Variants in MGAT4C observed in about 807,000 individuals in gnomAD.
MGAT4C encodes alpha-1,3-mannosyl-glycoprotein 4-beta-N-acetylglucosaminyltransferase C.
MGAT4C carries 19 observed loss-of-function variants against 40.1 expected under a neutral mutation model. The observed-to-expected ratio is 0.47, with a 90% CI of 0.33 to 0.70. MGAT4C has a LOEUF of 0.70. Ranked by LOEUF, MGAT4C falls within the 30% of genes least tolerant of loss-of-function variation. The probability of loss-of-function intolerance (pLI) is 0.02; values close to 1 mark genes in which losing one functional copy is unlikely to be tolerated. For missense variants in MGAT4C, 491 were observed against 563.2 expected, an observed-to-expected ratio of 0.87 and a Z score of 1.30; for synonymous variants, 181 against 187.1, an observed-to-expected ratio of 0.97 and a Z score of 0.27.
At chr12:86,676,342 C>T (rs754499521) in intron 2 of MGAT4C, among the ~76,000 whole-genome samples, 1 of 152,148 alleles carries the variant, frequency 6.6e-6, no homozygotes, top group Non-Finnish European at 1.5e-5. Context: ...AAATAATTAG[C>T]TTTGAGCGAA....
chr12:86,145,824 C>T (rs1883435308), intron 1 of MGAT4C, among the ~76,000 whole-genome samples: 1 of 152,066 alleles, frequency 6.6e-6, no homozygotes, highest in African/African-American at 2.4e-5. Flanking sequence ...AATAGAGTTT[C>T]TCCAAGTATC....
In MGAT4C at chr12:86,393,825, T is replaced by C. The variant is rs184074004; in HGVS notation, c.-120+41332A>G. ...GGAATTATGAGACAGTCCTGCACTA[T>C]AGAAATCGGCATCATCCAAAATGTC... On this transcript the variant is annotated intron_variant, in intron 3 of 7. Coordinates refer to the MGAT4C transcript ENST00000548651. Among the ~76,000 whole-genome samples, 140 of 152,286 alleles carry C rather than the reference T, an allele frequency of 9.2e-4. 1 individual carries two copies. The highest frequency in any genetic ancestry group is 3.0e-3 in the African/African-American group (126 of 41,560).
intron 1 of MGAT4C, among the ~76,000 whole-genome samples, chr12:86,192,677 T>C (rs1031369048): frequency 2.6e-5 from 4 of 152,198 alleles, no homozygotes; most frequent in Admixed American, 2.6e-4. Flanking sequence ...ATGTGTTTAT[T>C]GCTTAATATT....
At chr12:86,694,193 C>G (rs952336151) in intron 2 of MGAT4C, among the ~76,000 whole-genome samples, 1 of 152,074 alleles carries the variant, frequency 6.6e-6, no homozygotes, top group South Asian at 2.1e-4. Context: ...TATTTCAGAT[C>G]TTCTTTTCTC....
intron 4 of MGAT4C, among the ~76,000 whole-genome samples, chr12:86,299,376 C>T (rs2136137705): frequency 6.6e-6 from 1 of 152,310 alleles, no homozygotes; most frequent in South Asian, 2.1e-4. Flanking sequence ...CTCGGCCTCC[C>T]AGAGTGCTGG....
chr12:86,367,189 C>G (rs1414926813), intron 3 of MGAT4C, among the ~76,000 whole-genome samples: 1 of 151,732 alleles, frequency 6.6e-6, no homozygotes, highest in Non-Finnish European at 1.5e-5. Context: ...TAACTACAAG[C>G]AGAAAGGGCA....
chr12:86,332,169 CA>C (rs1954684040), intron 4 of MGAT4C, among the ~76,000 whole-genome samples: 1 of 151,922 alleles, frequency 6.6e-6, no homozygotes, highest in African/African-American at 2.4e-5. Context: ...GAAAAAAAAT[CA>C]GTTTATGTTG....
intron 1 of MGAT4C, among the ~76,000 whole-genome samples, chr12:86,136,315 T>TATACAAG (rs1210218961): frequency 6.6e-6 from 1 of 152,096 alleles, no homozygotes; most frequent in African/African-American, 2.4e-5. Context: ...CTACTGGAAA[T>TATACAAG]ATACAAGATA....
intron 1 of MGAT4C, among the ~76,000 whole-genome samples, chr12:86,135,571 T>C (rs963810580): frequency 6.6e-6 from 1 of 152,122 alleles, no homozygotes; most frequent in Non-Finnish European, 1.5e-5. Flanking sequence ...GCTGGGAAGA[T>C]AAAAGGATAG....
chr12:86,399,183 G>T (rs539334017), intron 3 of MGAT4C, among the ~76,000 whole-genome samples: 1 of 151,944 alleles, frequency 6.6e-6, no homozygotes, highest in East Asian at 2.0e-4. Context: ...TGTTGGCCAG[G>T]ATAGTCTCGA....
intron 2 of MGAT4C, among the ~76,000 whole-genome samples, chr12:86,638,324 G>C (rs1322831316): frequency 6.6e-6 from 1 of 151,728 alleles, no homozygotes; most frequent in Non-Finnish European, 1.5e-5. Flanking sequence ...CATTACCCTG[G>C]ACAGCTGACC....
rs1883816657 is a variant in MGAT4C, at chr12:85,974,515, A to G, written c.*4774T>C. The G allele has an allele frequency of 2.0e-5, 3 of 150,780 alleles. No homozygotes were observed. The South Asian group carries it at 6.2e-4, about 31-fold the overall frequency. The allele number at this position is 150,780 out of a possible 1,614,324, so 9.3% of individuals were successfully genotyped here. ...ACATAATATTCAAGTATGTATACAT[A>G]TATACACATATGTACATACACATAT... is the stretch of plus-strand genomic sequence containing the variant. On this transcript the variant is annotated 3_prime_UTR_variant, in exon 5 of 5. Coordinates refer to ENST00000611864, the MANE Select transcript of MGAT4C (RefSeq NM_001351288.2).
intron 3 of MGAT4C, among the ~76,000 whole-genome samples, chr12:86,397,935 C>T (rs1956289959): frequency 6.6e-6 from 1 of 152,090 alleles, no homozygotes; most frequent in African/African-American, 2.4e-5. Context: ...TGCACTGCAG[C>T]CTGAGTGACA....
chr12:86,830,568 T>C (rs545962165), intron 1 of MGAT4C, among the ~76,000 whole-genome samples: 81 of 151,864 alleles, frequency 5.3e-4, no homozygotes, highest in Non-Finnish European at 1.0e-3. Context: ...TGTATCTATC[T>C]CCCAAGCAAC....
At chr12:86,547,241 G>T (rs1959198894) in intron 2 of MGAT4C, among the ~76,000 whole-genome samples, 1 of 151,942 alleles carries the variant, frequency 6.6e-6, no homozygotes, top group Admixed American at 6.6e-5. Flanking sequence ...TTGCCAAAGT[G>T]AAGCTTGTTT....
intron 2 of MGAT4C, among the ~76,000 whole-genome samples, chr12:86,022,126 A>C (rs180896000): frequency 1.9e-3 from 295 of 152,330 alleles, no homozygotes; most frequent in African/African-American, 6.8e-3. Flanking sequence ...TATTGAGTTT[A>C]TACTAGGTAC....
intron 1 of MGAT4C, among the ~76,000 whole-genome samples, chr12:86,100,143 G>T (rs963249126): frequency 1.3e-5 from 2 of 151,282 alleles, no homozygotes; most frequent in Non-Finnish European, 3.0e-5. Flanking sequence ...AATAGTGTAT[G>T]CCAGAAATTT....
chr12:86,646,119 G>GA (rs928757159), intron 2 of MGAT4C, among the ~76,000 whole-genome samples: 6 of 151,658 alleles, frequency 4.0e-5, no homozygotes, highest in East Asian at 1.9e-4. Context: ...TGGAATAATA[G>GA]AAAAAATCCA....
At chr12:86,077,251 A>G (rs1869910380) in intron 1 of MGAT4C, among the ~76,000 whole-genome samples, 2 of 152,182 alleles carry the variant, frequency 1.3e-5, no homozygotes, top group African/African-American at 4.8e-5. Flanking sequence ...GATTATACAT[A>G]ATCTTCAAAT....
Sources: allele counts gnomAD v4.1 joint callset (sites outside exome capture counted in the v4.1 genomes callset), GRCh38; gene constraint gnomAD v4.1.1; transcripts MANE v1.5; gene names NCBI Gene and HGNC (gene_info 2026-07-23, HGNC 2026-07-21).